Variants in TBC1D12 observed in about 807,000 individuals in gnomAD.
The protein encoded by TBC1D12 is TBC1 domain family, member 12.
A neutral mutation model predicts 86.7 loss-of-function variants in TBC1D12; 56 were observed. The ratio of observed to expected loss-of-function variants is 0.65; its 90% CI spans 0.52 to 0.81. The LOEUF (loss-of-function observed/expected upper bound fraction) is 0.81, where lower values mean the gene tolerates loss of function less well. Among genes scored for constraint, TBC1D12 ranks in the 30% least tolerant of loss-of-function variants. TBC1D12 has a pLI of 0.00. For synonymous variants in TBC1D12, 421 were observed against 411.7 expected, an observed-to-expected ratio of 1.02 and a Z score of -0.27; for missense variants, 1,023 against 1,038.8, an observed-to-expected ratio of 0.98 and a Z score of 0.21.
chr10:94,525,631 G>T (rs1435083007), intron 11 of TBC1D12, among the ~76,000 whole-genome samples: 2 of 136,728 alleles, frequency 1.5e-5, no homozygotes, highest in Non-Finnish European at 3.0e-5. Flanking sequence ...CTGCACTCCA[G>T]CCTGGGCTAC....
chr10:94,524,911 G>C (rs950421621), intron 11 of TBC1D12, among the ~76,000 whole-genome samples: 6 of 151,744 alleles, frequency 4.0e-5, no homozygotes, highest in African/African-American at 1.5e-4. Flanking sequence ...CTCCCACCTG[G>C]AACTCCTGGG....
intron 2 of TBC1D12, among the ~76,000 whole-genome samples, chr10:94,446,611 A>G (rs1268382339): frequency 1.3e-5 from 2 of 152,070 alleles, no homozygotes; most frequent in Non-Finnish European, 2.9e-5. Flanking sequence ...GCTGGCCTCA[A>G]ACTCCTGGGC....
At chr10:94,512,918 A>C (rs1197986505) in intron 9 of TBC1D12, among the ~76,000 whole-genome samples, 1 of 152,172 alleles carries the variant, frequency 6.6e-6, no homozygotes, top group Non-Finnish European at 1.5e-5. Context: ...ATTTTTTAGC[A>C]CTGGTTAAAT....
chr10:94,411,860 A>C (rs764770546), intron 1 of TBC1D12, among the ~76,000 whole-genome samples: 14 of 152,334 alleles, frequency 9.2e-5, no homozygotes, highest in South Asian at 2.1e-4. Flanking sequence ...CGGGAGGCTG[A>C]AGTGGGAGGA....
At chr10:94,532,150 G>A (rs766767293) in intron 12 of TBC1D12, among the ~76,000 whole-genome samples, 1 of 150,238 alleles carries the variant, frequency 6.7e-6, no homozygotes, top group Non-Finnish European at 1.5e-5. Context: ...AAAGTGTTGG[G>A]ATTACAGGCG....
intron 1 of TBC1D12, among the ~76,000 whole-genome samples, chr10:94,430,320 G>T (rs1288425535): frequency 1.3e-5 from 2 of 152,206 alleles, no homozygotes; most frequent in Non-Finnish European, 2.9e-5. Context: ...TCACATTACT[G>T]TTGGCAGTAA....
intron 1 of TBC1D12, among the ~76,000 whole-genome samples, chr10:94,405,574 T>G (rs927483379): frequency 6.6e-6 from 1 of 152,058 alleles, no homozygotes; most frequent in Non-Finnish European, 1.5e-5. Flanking sequence ...GGCCTTTGGG[T>G]GTTTGTTGGT....
At chr10:94,483,019 A>G (rs2056100312) in intron 3 of TBC1D12, among the ~76,000 whole-genome samples, 1 of 148,828 alleles carries the variant, frequency 6.7e-6, no homozygotes, top group South Asian at 2.1e-4. Flanking sequence ...CATTGTCTAT[A>G]TGAACCACAT....
intron 1 of TBC1D12, among the ~76,000 whole-genome samples, chr10:94,432,694 T>A (rs570893471): frequency 6.6e-6 from 1 of 152,276 alleles, no homozygotes; most frequent in East Asian, 1.9e-4. Flanking sequence ...TTTTTTATGA[T>A]TTAACAAGAA....
At chr10:94,464,039 T>C (rs2055770158) in intron 2 of TBC1D12, among the ~76,000 whole-genome samples, 1 of 152,310 alleles carries the variant, frequency 6.6e-6, no homozygotes, top group South Asian at 2.1e-4. Flanking sequence ...TTTCCTTTTA[T>C]GAAGTTTTTA....
chr10:94,520,129 G>C (rs567438834), intron 9 of TBC1D12, among the ~76,000 whole-genome samples: 18 of 152,336 alleles, frequency 1.2e-4, no homozygotes, highest in African/African-American at 4.3e-4. Flanking sequence ...CAGAAGCTAA[G>C]GGAATGCTGT....
chr10:94,485,747 A>G (rs1156824698), intron 3 of TBC1D12, among the ~76,000 whole-genome samples: 3 of 151,854 alleles, frequency 2.0e-5, no homozygotes, highest in Admixed American at 1.3e-4. Flanking sequence ...TTACTGGTAG[A>G]CTTTTAATTA....
intron 4 of TBC1D12, among the ~76,000 whole-genome samples, chr10:94,495,559 A>G (rs911227186): frequency 6.6e-6 from 1 of 152,224 alleles, no homozygotes; most frequent in Non-Finnish European, 1.5e-5. Flanking sequence ...AAAGCATGGT[A>G]TGATAGGGAT....
At position 94,533,257 on chromosome 10, in the gene TBC1D12, A is replaced by G. The variant is rs1470913269; in HGVS notation, c.*161A>G. The G allele has an allele frequency of 8.0e-6, 4 of 500,194 alleles. No individual in the cohort carries two copies. Among genetic ancestry groups the G allele is most frequent in the Non-Finnish European group, 7.0e-6 (2 of 287,586 alleles). The allele number at this position is 500,194 out of a possible 1,614,324, so 31.0% of individuals were successfully genotyped here. A position where few individuals can be genotyped will look rare whatever the true frequency, so the allele number is the denominator to read the frequency against. On this transcript the variant is annotated 3_prime_UTR_variant, in exon 13 of 13. Coordinates refer to ENST00000225235, the MANE Select transcript of TBC1D12 (RefSeq NM_015188.2). ...ACATTTTATGGCTGAAGTAAATGAA[A>G]TAAGTAACTTATTGACAGTATTAAT...
At chr10:94,474,980 G>A (rs61668937) in intron 3 of TBC1D12, among the ~76,000 whole-genome samples, 197 bp downstream of exon 3, 3,319 of 152,224 alleles carry the variant, frequency 0.022, 122 homozygotes, top group African/African-American at 0.074. Flanking sequence ...TAGAGACAGG[G>A]TCTTGCTATG....
intron 2 of TBC1D12, among the ~76,000 whole-genome samples, chr10:94,464,265 A>G (rs1191973157): frequency 1.3e-5 from 2 of 152,058 alleles, no homozygotes; most frequent in African/African-American, 4.8e-5. Flanking sequence ...ATTTAAATTT[A>G]CCATCTTGCT....
At chr10:94,428,755 G>A (rs558365465) in intron 1 of TBC1D12, among the ~76,000 whole-genome samples, 2 of 152,222 alleles carry the variant, frequency 1.3e-5, no homozygotes, top group East Asian at 3.9e-4. Flanking sequence ...CTGTTGCCCA[G>A]GCTGGAGTGC....
At chr10:94,440,507 T>C (rs182171470) in intron 1 of TBC1D12, among the ~76,000 whole-genome samples, 170 of 152,272 alleles carry the variant, frequency 1.1e-3, no homozygotes, top group Non-Finnish European at 3.2e-4. Flanking sequence ...TAGCCTGCAT[T>C]CTTTTGTAGG....
At chr10:94,426,225 ATCTGGTT>A (rs1425550611) in intron 1 of TBC1D12, among the ~76,000 whole-genome samples, 1 of 152,202 alleles carries the variant, frequency 6.6e-6, no homozygotes, top group Non-Finnish European at 1.5e-5. Context: ...GGACATCATT[ATCTGGTT>A]TCCATTCTCA....
Sources: allele counts gnomAD v4.1 joint callset (sites outside exome capture counted in the v4.1 genomes callset), GRCh38; gene constraint gnomAD v4.1.1; transcripts MANE v1.5; gene names NCBI Gene and HGNC (gene_info 2026-07-23, HGNC 2026-07-21).